Variants in CDH13 observed in about 807,000 individuals in gnomAD.
CDH13 encodes cadherin 13.
CDH13 carries 24 observed loss-of-function variants against 63.8 expected under a neutral mutation model. The ratio of observed to expected loss-of-function variants is 0.38; its 90% CI spans 0.27 to 0.53. CDH13 has a LOEUF of 0.53. Ranked by LOEUF, CDH13 falls within the 20% of genes least tolerant of loss-of-function variation. CDH13 has a pLI of 0.85. For synonymous variants in CDH13, 503 were observed against 355.3 expected, an observed-to-expected ratio of 1.42 and a Z score of -4.67; for missense variants, 1,049 against 903.1, an observed-to-expected ratio of 1.16 and a Z score of -2.07.
At chr16:83,004,539 C>G (rs1187800334) in intron 2 of CDH13, among the ~76,000 whole-genome samples, 5 of 152,018 alleles carry the variant, frequency 3.3e-5, no homozygotes, top group African/African-American at 7.2e-5. Context: ...GAGTCTCATT[C>G]TGTCACCCAG....
chr16:82,682,956 C>T (rs1352168912), intron 1 of CDH13, among the ~76,000 whole-genome samples: 3 of 152,194 alleles, frequency 2.0e-5, no homozygotes, highest in African/African-American at 7.2e-5. Flanking sequence ...GCCCTAGGAA[C>T]ACACTATCTC....
intron 5 of CDH13, among the ~76,000 whole-genome samples, chr16:83,275,978 T>A (rs1039704250): frequency 6.6e-6 from 1 of 152,158 alleles, no homozygotes; most frequent in Non-Finnish European, 1.5e-5. Flanking sequence ...TACAGATTAA[T>A]GATGGTCATT....
chr16:83,610,278 T>C (rs568350263), intron 8 of CDH13, among the ~76,000 whole-genome samples: 1 of 152,182 alleles, frequency 6.6e-6, no homozygotes, highest in Non-Finnish European at 1.5e-5. Context: ...AAATTAGTAA[T>C]CTGTAATTCC....
chr16:83,237,254 G>C (rs1597573763), intron 5 of CDH13, among the ~76,000 whole-genome samples: 1 of 152,316 alleles, frequency 6.6e-6, no homozygotes, highest in South Asian at 2.1e-4. Context: ...AGCTGAGTGG[G>C]CACCCACCCC....
chr16:83,498,336 A>T (rs2074195892), intron 7 of CDH13, among the ~76,000 whole-genome samples: 1 of 152,198 alleles, frequency 6.6e-6, no homozygotes, highest in African/African-American at 2.4e-5. Flanking sequence ...AGAGGCTCCA[A>T]AGGAGTCCCT....
intron 2 of CDH13, among the ~76,000 whole-genome samples, chr16:82,931,024 G>T (rs140166163): frequency 1.7e-4 from 26 of 152,318 alleles, no homozygotes; most frequent in African/African-American, 6.0e-4. Flanking sequence ...TGAAGAGGTT[G>T]AACCCTCTGC....
At chr16:82,881,024 C>G (rs2040684205) in intron 2 of CDH13, among the ~76,000 whole-genome samples, 1 of 152,294 alleles carries the variant, frequency 6.6e-6, no homozygotes, top group East Asian at 1.9e-4. Context: ...CTGGGTTTAT[C>G]TTGACCCTTT....
chr16:83,316,218 C>G (rs1052499722), intron 5 of CDH13, among the ~76,000 whole-genome samples: 1 of 152,154 alleles, frequency 6.6e-6, no homozygotes, highest in Non-Finnish European at 1.5e-5. Flanking sequence ...CCACGAGGTC[C>G]CTCCCCAAAC....
intron 5 of CDH13, among the ~76,000 whole-genome samples, chr16:83,259,818 T>G (rs17756443): frequency 6.6e-6 from 1 of 151,918 alleles, no homozygotes; most frequent in Non-Finnish European, 1.5e-5. Flanking sequence ...TTACCTACCT[T>G]TCATGTTTCC....
chr16:83,737,238 T>C (rs1490149947), intron 10 of CDH13, among the ~76,000 whole-genome samples: 1 of 152,190 alleles, frequency 6.6e-6, no homozygotes, highest in Non-Finnish European at 1.5e-5. Context: ...ACTTAAGTTA[T>C]TAGTGAGCGC....
chr16:82,930,885 G>C (rs1346372415), intron 2 of CDH13, among the ~76,000 whole-genome samples: 1 of 152,122 alleles, frequency 6.6e-6, no homozygotes, highest in Non-Finnish European at 1.5e-5. Context: ...TCCCAAATTA[G>C]ATTAAAATCC....
chr16:83,652,039 C>G (rs1258774301), intron 8 of CDH13, among the ~76,000 whole-genome samples: 3 of 152,266 alleles, frequency 2.0e-5, no homozygotes, highest in African/African-American at 7.2e-5. Flanking sequence ...GAGCCTGATT[C>G]CCAAGGGAAC....
intron 7 of CDH13, among the ~76,000 whole-genome samples, chr16:83,587,138 A>G (rs1906243221): frequency 6.6e-6 from 1 of 152,182 alleles, no homozygotes; most frequent in African/African-American, 2.4e-5. Flanking sequence ...ACCACGGAAA[A>G]TGCTGATTAA....
chr16:83,753,757 A>G (rs1913280079), intron 11 of CDH13, among the ~76,000 whole-genome samples: 1 of 152,112 alleles, frequency 6.6e-6, no homozygotes, highest in Non-Finnish European at 1.5e-5. Context: ...GATAAAATAT[A>G]TGGCTTCGGG....
intron 2 of CDH13, among the ~76,000 whole-genome samples, chr16:82,922,118 G>C (rs4569269): frequency 0.37 from 56,235 of 151,558 alleles, 11,534 homozygotes; most frequent in Non-Finnish European, 0.47. Context: ...TATGCCCTTT[G>C]TTATTTATTA....
chr16:83,386,926 A>G (rs1678625030), intron 6 of CDH13, among the ~76,000 whole-genome samples: 1 of 152,186 alleles, frequency 6.6e-6, no homozygotes, highest in Admixed American at 6.5e-5. Flanking sequence ...TTTCCATTGC[A>G]TCTAGAAAGC....
chr16:82,917,896 CAG>C (rs2042038023), intron 2 of CDH13, among the ~76,000 whole-genome samples: 1 of 130,888 alleles, frequency 7.6e-6, no homozygotes, highest in South Asian at 2.4e-4. Flanking sequence ...GCCTGGGCAA[CAG>C]AGAGAGACTC....
At chr16:82,639,608 C>G (rs1909140090) in intron 1 of CDH13, 2 of 620,238 alleles carry the variant, frequency 3.2e-6, no homozygotes, top group African/African-American at 3.6e-5. Context: ...AAGAAATATA[C>G]AGTCTGTAGC....
chr16:83,219,810 G>A (rs923234299), intron 5 of CDH13, among the ~76,000 whole-genome samples: 8 of 152,276 alleles, frequency 5.3e-5, no homozygotes, highest in East Asian at 1.9e-4. Flanking sequence ...GTGTTCGGAG[G>A]ATACAGTAGC....
Sources: gnomAD v4.1 joint callset for allele counts (sites outside exome capture counted in the v4.1 genomes callset) on GRCh38, gnomAD v4.1.1 for gene constraint, MANE v1.5 for transcripts, NCBI Gene and HGNC (gene_info 2026-07-23, HGNC 2026-07-21) for gene names.